The following MIDN variants were observed in gnomAD, a reference collection of about 807,000 sequenced individuals.
MIDN encodes the protein midbrain nucleolar protein.
MIDN carries 26 observed loss-of-function variants against 46.1 expected under a neutral mutation model. That is an observed-to-expected ratio of 0.56 (90% CI 0.41 to 0.78). The LOEUF is 0.78. Ranked by LOEUF, MIDN falls within the 30% of genes least tolerant of loss-of-function variation. The pLI, the probability that MIDN is intolerant of heterozygous loss-of-function variation, is 0.00. For missense variants in MIDN, 850 were observed against 771.8 expected (o/e 1.10, Z -1.20); for synonymous variants, 432 against 343.3 (o/e 1.26, Z -2.86).
intron 4 of MIDN, 126 bp from the exon 5 acceptor site, chr19:1,253,828 A>C: frequency 2.9e-6 from 2 of 679,706 alleles, no homozygotes; most frequent in Admixed American, 4.6e-5. Context: ...GGCAAAGTGA[A>C]GGTTGTTTGA....
chr19:1,251,628 C>T lies in MIDN; in HGVS notation c.300C>T (p.Pro100=). 1 of 1,609,598 alleles carries T rather than the reference C, an allele frequency of 6.2e-7. No individual in the cohort carries two copies. Among genetic ancestry groups the T allele is most frequent in the Non-Finnish European group, 8.5e-7 (1 of 1,178,490 alleles). The part of the protein sequence containing the change: ...VGDGSKLTLV[P]TVEAGLMSQA... ...ATGGCAGCAAGCTGACCTTGGTACC[C>T]ACCGTGGAAGCGGGCCTCATGGTAA... Residue 100 remains proline (P), a synonymous_variant, in exon 3 of 9, where the codon CCC becomes CCT. Coordinates refer to ENST00000682408, the MANE Select transcript of MIDN (RefSeq NM_001388306.1).
chr19:1,253,051 G>A (rs961464078), intron 4 of MIDN, among the ~76,000 whole-genome samples: 7 of 151,456 alleles, frequency 4.6e-5, no homozygotes, highest in African/African-American at 1.7e-4. Flanking sequence ...GGCTGGAGGG[G>A]GTGCTGGGCG....
chr19:1,253,821 A>T, intron 4 of MIDN, 133 bp from the exon 5 acceptor site: 1 of 647,786 alleles, frequency 1.5e-6, no homozygotes, highest in Non-Finnish European at 2.2e-6. Flanking sequence ...GGGGAAAGGC[A>T]AAGTGAAGGT....
chr19:1,253,427 C>A (rs942271706), intron 4 of MIDN, among the ~76,000 whole-genome samples: 4 of 151,398 alleles, frequency 2.6e-5, no homozygotes, highest in East Asian at 1.9e-4. Flanking sequence ...CGCCACCCCC[C>A]CCCCCATCCC....
At position 1,254,124 on chromosome 19, in the gene MIDN, C is replaced by T. The variant is rs776480808; in HGVS notation, c.513+42C>T. 3.8e-6 allele frequency: 6 copies of T among 1,563,474 alleles called. No homozygotes were observed. In the East Asian group the frequency reaches 7.0e-5, roughly 18 times the overall value. ...ACTGGGCCGGGCTGGGCTGGGGGCG[C>T]CGCAAGCTGGGGCTCCCAGCTGACG... is the stretch of plus-strand genomic sequence containing the variant. On this transcript the variant is annotated intron_variant, in intron 5 of 8. Coordinates refer to ENST00000682408, the MANE Select transcript of MIDN (RefSeq NM_001388306.1).
chr19:1,255,132 C>T, intron 7 of MIDN, 71 bp downstream of exon 7: 5 of 1,510,798 alleles, frequency 3.3e-6, no homozygotes, highest in South Asian at 1.2e-5. Context: ...CTACATCCAC[C>T]CACAGGCGAC....
rs2081233177 is a variant in MIDN at position 1,258,813 on chromosome 19, TAGAA to T, written c.*1543_*1546del. The T allele has an allele frequency of 6.7e-6, 1 of 149,648 alleles. No homozygotes were observed. Among genetic ancestry groups the T allele is most frequent in the African/African-American group, 2.5e-5 (1 of 40,634 alleles). 9.3% of individuals were successfully genotyped at this position (149,648 alleles called of 1,614,324 possible). A position where few individuals can be genotyped will look rare whatever the true frequency, so the allele number is the denominator to read the frequency against. On this transcript the variant is annotated 3_prime_UTR_variant, in exon 9 of 9. Transcript: ENST00000682408. The stretch of plus-strand genomic sequence containing the variant: ...TTTCCAAAAAAAAAAGAAAAAAAAA[TAGAA>T]AAAAAAGGAGTAAAAGGGGCGGGTT...
chr19:1,250,263 C>G lies in MIDN; in HGVS notation c.-34C>G, dbSNP rs999675282. On this transcript the variant is annotated 5_prime_UTR_variant, in exon 2 of 9. Coordinates refer to ENST00000682408, the MANE Select transcript of MIDN (RefSeq NM_001388306.1). ...GGAGGCGCGGCGAGGATTGGCGGCG[C>G]CCGCCGCCCCCAGCCCCCCAGCGCG... is the stretch of plus-strand genomic sequence containing the variant. The G allele has an allele frequency of 1.8e-5, 16 of 908,934 alleles. No homozygotes were observed. In the African/African-American group the frequency reaches 2.9e-4, roughly 16 times the overall value. The allele number at this position is 908,934 out of a possible 1,614,324, so 56.3% of individuals were successfully genotyped here. A position where few individuals can be genotyped will look rare whatever the true frequency, so the allele number is the denominator to read the frequency against.
chr19:1,258,392 G>A lies in MIDN; in HGVS notation c.*1120G>A, dbSNP rs2081227793. 2.0e-5 allele frequency: 3 copies of A among 152,696 alleles called. 1 individual carries two copies. In the South Asian group the frequency reaches 6.2e-4, roughly 32 times the overall value. The allele number at this position is 152,696 out of a possible 1,614,324, so 9.5% of individuals were successfully genotyped here. On this transcript the variant is annotated 3_prime_UTR_variant, in exon 9 of 9. Coordinates refer to ENST00000682408, the MANE Select transcript of MIDN (RefSeq NM_001388306.1). Reference sequence around the variant, plus strand: ...ACCCCCGTGGCGGGGTCCGCTGCTGGTCTAATTTGGACCCCCTGCCTCTCA... The same window carrying A: ...ACCCCCGTGGCGGGGTCCGCTGCTGATCTAATTTGGACCCCCTGCCTCTCA...
At chr19:1,249,557 C>T (rs575547753) in intron 1 of MIDN, among the ~76,000 whole-genome samples, 27 of 150,426 alleles carry the variant, frequency 1.8e-4, no homozygotes, top group African/African-American at 6.1e-4. Flanking sequence ...GGGGCGCGCC[C>T]GCCCTTTGTT....
intron 8 of MIDN, 94 bp downstream of exon 8, chr19:1,255,788 C>T: frequency 8.0e-7 from 1 of 1,248,290 alleles, no homozygotes; most frequent in Non-Finnish European, 1.1e-6. Flanking sequence ...AGCAGCTGAC[C>T]TGCCCAGGGG....
At position 1,255,018 on chromosome 19, in the gene MIDN, C is replaced by T. The variant is rs770100121; in HGVS notation, c.942C>T (p.Ser314=). The part of the protein sequence containing the change: ...RSRKPGAVIE[S]FVNHAPGVFS... ...GAAAACCCGGCGCCGTCATCGAGAG[C>T]TTTGTGAATCACGCCCCGGGGGTCT... is the stretch of plus-strand genomic sequence containing the variant. Residue 314 remains serine, a synonymous_variant, in exon 7 of 9, where the codon AGC becomes AGT. Coordinates refer to ENST00000682408, the MANE Select transcript of MIDN (RefSeq NM_001388306.1). The T allele has an allele frequency of 6.2e-7, 1 of 1,613,342 alleles. No homozygotes were observed. Among genetic ancestry groups the T allele is most frequent in the Non-Finnish European group, 8.5e-7 (1 of 1,179,892 alleles).
Position 1,258,118 on chromosome 19 carries a change from T to A in MIDN, c.*846T>A, listed in dbSNP as rs940524824. The stretch of plus-strand genomic sequence containing the variant: ...GCCCCCACTCCCGTGTTTTCTGACC[T>A]CCTGCCTGAGTTTGGGGTATTTATA... On this transcript the variant is annotated 3_prime_UTR_variant, in exon 9 of 9. Coordinates refer to ENST00000682408, the MANE Select transcript of MIDN (RefSeq NM_001388306.1). 1.3e-5 allele frequency: 2 copies of A among 152,516 alleles called. No individual in the cohort carries two copies. Among genetic ancestry groups the A allele is most frequent in the South Asian group, 2.1e-4 (1 of 4,856 alleles). 9.4% of individuals were successfully genotyped at this position (152,516 alleles called of 1,614,324 possible).
rs746135635 is a variant in MIDN, at chr19:1,254,283, T to C, written c.630T>C (p.His210=). The C allele has an allele frequency of 1.7e-5, 27 of 1,578,098 alleles. No individual in the cohort carries two copies. Among genetic ancestry groups the C allele is most frequent in the Non-Finnish European group, 3.4e-6 (4 of 1,169,558 alleles). The change falls in exon 6 of 9, where the codon CAT becomes CAC. Residue 210 remains histidine, a synonymous_variant. Transcript: ENST00000682408. ...AGCACGCTCCACTGCAACACCGCCA[T>C]GTGCTGGCCGCTGCGGCCGCCGCCG... ...AAQHAPLQHR[H]VLAAAAAAAA... is the part of the protein sequence containing the mutation.
At chr19:1,251,720 G>C in intron 3 of MIDN, 71 bp downstream of exon 3, 1 of 1,525,902 alleles carries the variant, frequency 6.6e-7, no homozygotes, top group Admixed American at 1.8e-5. Flanking sequence ...CTCGGTACCT[G>C]TCCGCACACA....
At position 1,250,340 on chromosome 19, in the gene MIDN, C is replaced by T. The variant is rs757450452; in HGVS notation, c.44C>T (p.Ala15Val). 11 of 1,033,668 alleles carry T rather than the reference C, an allele frequency of 1.1e-5. No homozygotes were observed. Among genetic ancestry groups the T allele is most frequent in the Non-Finnish European group, 1.3e-5 (11 of 862,538 alleles). The allele number at this position is 1,033,668 out of a possible 1,614,324, so 64.0% of individuals were successfully genotyped here. ...GGCGCCCGGAGCTGCCGGCGCGGGG[C>T]CCCCGGCGGCGCCTGCGAGCTGGGC... ...PGGARSCRRG[A>V]PGGACELGPA... is the part of the protein sequence containing the mutation. The change falls in exon 2 of 9, where the codon GCC becomes GTC. Residue 15 changes from alanine to valine, a missense_variant. By Grantham distance (64) the Ala-to-Val change is moderately conservative (BLOSUM62 0). Transcript: ENST00000682408.
At chr19:1,251,459 T>C (rs2081126654) in intron 2 of MIDN, 103 bp from the exon 3 acceptor site, 2 of 1,040,576 alleles carry the variant, frequency 1.9e-6, no homozygotes, top group Non-Finnish European at 2.8e-6. Context: ...GGTGGGAACT[T>C]ATCCGTCTCT....
At chr19:1,252,763 C>G (rs549133381) in intron 4 of MIDN, among the ~76,000 whole-genome samples, 2 of 152,122 alleles carry the variant, frequency 1.3e-5, no homozygotes, top group African/African-American at 4.8e-5. Flanking sequence ...GCTTTCCCAG[C>G]GGCATGTAGA....
Position 1,250,363 on chromosome 19 carries a change from G to T in MIDN, c.67G>T (p.Gly23Cys), listed in dbSNP as rs758754948. The T allele has an allele frequency of 9.7e-6, 11 of 1,130,322 alleles. No individual in the cohort carries two copies. Among genetic ancestry groups the T allele is most frequent in the Non-Finnish European group, 1.2e-5 (11 of 915,154 alleles). The allele number at this position is 1,130,322 out of a possible 1,614,324, so 70.0% of individuals were successfully genotyped here. ...RGAPGGACEL[G>C]PAAEAAPMSL... ...GGCCCCCGGCGGCGCCTGCGAGCTGGGCCCGGCGGCCGAGGCGGCGCCCAT... is the reference window on the plus strand; with the variant it reads ...GGCCCCCGGCGGCGCCTGCGAGCTGTGCCCGGCGGCCGAGGCGGCGCCCAT... The change falls in exon 2 of 9, where the codon GGC becomes TGC. Residue 23 changes from glycine to cysteine, a missense_variant. Physicochemically the swap from Gly to Cys is radical, Grantham distance 159. Transcript: ENST00000682408.
Sources: allele counts gnomAD v4.1 joint callset (sites outside exome capture counted in the v4.1 genomes callset), GRCh38; gene constraint gnomAD v4.1.1; transcripts MANE v1.5; gene names NCBI Gene and HGNC (gene_info 2026-07-23, HGNC 2026-07-21).